The following BMP5 variants were observed in gnomAD, a reference collection of about 807,000 sequenced individuals.
The protein encoded by BMP5 is bone morphogenetic protein 5.
In BMP5, 23 loss-of-function variants were observed where a neutral mutation model predicts 46.6. The ratio of observed to expected loss-of-function variants is 0.49; its 90% confidence interval spans 0.35 to 0.70. The LOEUF is 0.70. BMP5 is among the 30% of genes least tolerant of loss of function. The pLI is 0.00. For missense variants in BMP5, 545 were observed against 565.6 expected (o/e 0.96, Z 0.37); for synonymous variants, 204 against 191.9 (o/e 1.06, Z -0.52).
intron 3 of BMP5, among the ~76,000 whole-genome samples, chr6:55,782,330 A>T (rs1361048242): frequency 6.6e-6 from 1 of 152,182 alleles, no homozygotes; most frequent in African/African-American, 2.4e-5. Flanking sequence ...TTCTTCACAT[A>T]TGAAGGCTGA....
At chr6:55,845,524 A>T (rs1777078387) in intron 1 of BMP5, among the ~76,000 whole-genome samples, 1 of 152,030 alleles carries the variant, frequency 6.6e-6, no homozygotes. Context: ...CTACTACCTT[A>T]AGATGTTTCT....
At chr6:55,775,185 G>C (rs1775146623) in intron 3 of BMP5, among the ~76,000 whole-genome samples, 1 of 151,918 alleles carries the variant, frequency 6.6e-6, no homozygotes, top group Non-Finnish European at 1.5e-5. Context: ...TAGAGATAAA[G>C]TTGATAAAGT....
chr6:55,779,137 A>G (rs1314110973), intron 3 of BMP5, among the ~76,000 whole-genome samples: 1 of 152,088 alleles, frequency 6.6e-6, no homozygotes, highest in African/African-American at 2.4e-5. Flanking sequence ...TGATGTTATA[A>G]GGATAAGTGG....
intron 2 of BMP5, among the ~76,000 whole-genome samples, chr6:55,807,790 G>A (rs1485010704): frequency 6.6e-6 from 1 of 152,134 alleles, no homozygotes; most frequent in Non-Finnish European, 1.5e-5. Flanking sequence ...AGTCTTGGGA[G>A]GGTGTATGTG....
chr6:55,802,980 T>C (rs1302948430), intron 2 of BMP5, among the ~76,000 whole-genome samples: 1 of 151,924 alleles, frequency 6.6e-6, no homozygotes, highest in Non-Finnish European at 1.5e-5. Context: ...ACTTTGCTAT[T>C]ACATTTTTTA....
chr6:55,764,617 A>G (rs1459897159), intron 4 of BMP5, among the ~76,000 whole-genome samples: 1 of 151,752 alleles, frequency 6.6e-6, no homozygotes, highest in South Asian at 2.1e-4. Flanking sequence ...AAGAAAAAAA[A>G]GTCAATTAGA....
At chr6:55,858,316 A>T (rs1333079479) in intron 1 of BMP5, among the ~76,000 whole-genome samples, 3 of 152,194 alleles carry the variant, frequency 2.0e-5, no homozygotes, top group African/African-American at 7.2e-5. Flanking sequence ...GTATGTTTTT[A>T]AAATTCTTAA....
rs201998264 is a variant in BMP5, at chr6:55,775,919, GA to G, written c.833-1677del. 8.2e-3 allele frequency among the ~76,000 whole-genome samples: 1,068 copies of G among 129,776 alleles called. 9 individuals are homozygous for G. Among genetic ancestry groups the G allele is most frequent in the African/African-American group, 0.024 (859 of 35,864 alleles). 85.1% of individuals were successfully genotyped at this position (129,776 alleles called of 152,430 possible). On this transcript the variant is annotated intron_variant, in intron 3 of 6. Transcript: ENST00000370830. ...TTCTTCAAATGTGGAGGTATTGGTTGAAAAAAAAAAAAAGGCTGCATCAATT... is the reference window on the plus strand; with the variant it reads ...TTCTTCAAATGTGGAGGTATTGGTTGAAAAAAAAAAAAGGCTGCATCAATT...
chr6:55,762,900 G>A (rs1001123832), intron 4 of BMP5, among the ~76,000 whole-genome samples: 3 of 151,958 alleles, frequency 2.0e-5, no homozygotes, highest in African/African-American at 4.8e-5. Flanking sequence ...AAAAGCAACC[G>A]TAGACAATAC....
chr6:55,863,570 GTTA>G, intron 1 of BMP5, among the ~76,000 whole-genome samples: 1 of 152,130 alleles, frequency 6.6e-6, no homozygotes, highest in South Asian at 2.1e-4. Context: ...ATTTATTGTT[GTTA>G]TTATTCCTTT....
intron 1 of BMP5, among the ~76,000 whole-genome samples, chr6:55,838,220 T>C (rs1203863023): frequency 6.6e-6 from 1 of 152,194 alleles, no homozygotes; most frequent in Non-Finnish European, 1.5e-5. Flanking sequence ...ACCTCCAAAC[T>C]GTTCTCCATA....
chr6:55,783,439 T>TTAAC (rs1187991474), intron 3 of BMP5, among the ~76,000 whole-genome samples: 2 of 152,028 alleles, frequency 1.3e-5, no homozygotes, highest in African/African-American at 4.8e-5. Context: ...ATGCCAAAAT[T>TTAAC]TAACTCTCAG....
At chr6:55,839,534 T>C (rs1373290413) in intron 1 of BMP5, among the ~76,000 whole-genome samples, 1 of 152,096 alleles carries the variant, frequency 6.6e-6, no homozygotes, top group African/African-American at 2.4e-5. Flanking sequence ...AGGCTAGTCT[T>C]GAACTCCTGG....
At chr6:55,842,637 C>T (rs1179384744) in intron 1 of BMP5, among the ~76,000 whole-genome samples, 3 of 151,678 alleles carry the variant, frequency 2.0e-5, no homozygotes, top group African/African-American at 7.3e-5. Flanking sequence ...ACGCCGGCCC[C>T]TCAAAAAAAA....
chr6:55,772,904 G>A, intron 4 of BMP5: 1 of 984,974 alleles, frequency 1.0e-6, no homozygotes, highest in Admixed American at 6.2e-5. Context: ...TAGTTTTATG[G>A]AGCGTCTCTG....
At chr6:55,847,378 C>A in intron 1 of BMP5, among the ~76,000 whole-genome samples, 1 of 151,874 alleles carries the variant, frequency 6.6e-6, no homozygotes, top group Non-Finnish European at 1.5e-5. Flanking sequence ...GTCCTACTTA[C>A]CCTCACTGTC....
chr6:55,818,457 T>C (rs901115073), intron 2 of BMP5, among the ~76,000 whole-genome samples: 1 of 152,162 alleles, frequency 6.6e-6, no homozygotes, highest in Non-Finnish European at 1.5e-5. Context: ...TATTTTAAGA[T>C]AAACTATTAG....
chr6:55,857,672 T>C (rs1458615672), intron 1 of BMP5, among the ~76,000 whole-genome samples: 1 of 152,202 alleles, frequency 6.6e-6, no homozygotes. Flanking sequence ...ACTACTCAAT[T>C]GAAAAATAAT....
chr6:55,854,192 C>A (rs1777328265), intron 1 of BMP5, among the ~76,000 whole-genome samples: 1 of 151,896 alleles, frequency 6.6e-6, no homozygotes, highest in African/African-American at 2.4e-5. Context: ...AAAAAACTTT[C>A]AAAAATAAGA....
Sources: allele counts gnomAD v4.1 joint callset (sites outside exome capture counted in the v4.1 genomes callset), GRCh38; gene constraint gnomAD v4.1.1; transcripts MANE v1.5; gene names NCBI Gene and HGNC (gene_info 2026-07-23, HGNC 2026-07-21).